The following GUCY2C variants were observed in gnomAD, a reference collection of about 807,000 sequenced individuals.
The protein encoded by GUCY2C is guanylate cyclase 2C, also known as guanylyl cyclase C.
GUCY2C carries 118 observed loss-of-function variants against 131.1 expected under a neutral mutation model. The observed-to-expected ratio is 0.90, with a 90% CI of 0.78 to 1.05. The LOEUF is 1.05. GUCY2C is among the 50% of genes least tolerant of loss of function. GUCY2C has a pLI of 0.00. For missense variants in GUCY2C, 1,161 were observed against 1,304.4 expected (o/e 0.89, Z 1.69); for synonymous variants, 452 against 457.8 (o/e 0.99, Z 0.16).
intron 19 of GUCY2C, among the ~76,000 whole-genome samples, chr12:14,630,453 GA>G (rs1947119413): frequency 6.6e-6 from 1 of 152,028 alleles, no homozygotes; most frequent in Admixed American, 6.6e-5. Flanking sequence ...AAAATGTTTG[GA>G]AAAAACAGGA....
Position 14,654,351 on chromosome 12 carries a change from C to T in GUCY2C, c.1471-1337G>A, listed in dbSNP as rs540341550. Among the ~76,000 whole-genome samples the T allele has an allele frequency of 7.2e-5, 11 of 152,250 alleles. No individual in the cohort carries two copies. In the South Asian group the frequency reaches 1.7e-3, roughly 23 times the overall value. On this transcript the variant is annotated intron_variant, in intron 12 of 26. Transcript: ENST00000261170. Reference sequence around the variant, plus strand: ...AGGTATTTTCCACCCTTGCTGACTTCGGGTGACCTTGGGTTTTCTCCATGT... The same window carrying T: ...AGGTATTTTCCACCCTTGCTGACTTTGGGTGACCTTGGGTTTTCTCCATGT...
Position 14,696,398 on chromosome 12 carries a change from G to A in GUCY2C, c.51C>T (p.Pro17=), listed in dbSNP as rs55930625. ...DLALWSLLFQ[P]GWLSFSSQVS... Reference sequence around the variant, plus strand: ...CCTGGGAACTAAAGGACAGCCACCCGGGCTGGAAGAGCAGTGACCACAAAG... The same window carrying A: ...CCTGGGAACTAAAGGACAGCCACCCAGGCTGGAAGAGCAGTGACCACAAAG... Residue 17 remains proline (P), a synonymous_variant, in exon 1 of 27, where the codon CCC becomes CCT. Coordinates refer to ENST00000261170, the MANE Select transcript of GUCY2C (RefSeq NM_004963.4). The A allele has an allele frequency of 3.2e-4, 521 of 1,614,030 alleles. 5 individuals carry two copies. The East Asian group carries it at 7.8e-3, about 24-fold the overall frequency.
At chr12:14,690,845 G>A (rs1226909132) in intron 1 of GUCY2C, among the ~76,000 whole-genome samples, 1 of 152,066 alleles carries the variant, frequency 6.6e-6, no homozygotes, top group Non-Finnish European at 1.5e-5. Context: ...CCAGCTGCAG[G>A]GATGTTCTTA....
At chr12:14,684,879 G>T (rs932276932) in intron 3 of GUCY2C, among the ~76,000 whole-genome samples, 1 of 151,816 alleles carries the variant, frequency 6.6e-6, no homozygotes, top group African/African-American at 2.4e-5. Context: ...GTCTCACTAT[G>T]TTGCCTAGGC....
chr12:14,669,565 G>T (rs1195150026), intron 10 of GUCY2C, among the ~76,000 whole-genome samples, 157 bp downstream of exon 10: 2 of 152,144 alleles, frequency 1.3e-5, no homozygotes, highest in Non-Finnish European at 2.9e-5. Context: ...GTGCAGGGAA[G>T]TAAGGACCAC....
chr12:14,687,819 A>C, intron 2 of GUCY2C, 132 bp downstream of exon 2: 2 of 628,856 alleles, frequency 3.2e-6, no homozygotes, highest in East Asian at 2.7e-5. Context: ...CCTGCCTGGT[A>C]CTCGGCCACT....
At chr12:14,636,323 A>G (rs906044868) in intron 19 of GUCY2C, among the ~76,000 whole-genome samples, 2 of 152,196 alleles carry the variant, frequency 1.3e-5, no homozygotes, top group African/African-American at 2.4e-5. Context: ...AATAAACATG[A>G]TACATTACGT....
At chr12:14,634,972 T>C (rs1947231583) in intron 19 of GUCY2C, among the ~76,000 whole-genome samples, 2 of 152,134 alleles carry the variant, frequency 1.3e-5, no homozygotes, top group South Asian at 4.1e-4. Context: ...TTAAAGCAAA[T>C]ACTATTAGAT....
At chr12:14,682,928 A>G in intron 4 of GUCY2C, 114 bp downstream of exon 4, 3 of 670,368 alleles carry the variant, frequency 4.5e-6, no homozygotes, top group East Asian at 2.7e-5. Context: ...ACTGATGTCT[A>G]TACCCAATGC....
Position 14,641,143 on chromosome 12 carries a change from G to A in GUCY2C, c.2007C>T (p.Ile669=), listed in dbSNP as rs1196151189. 9 of 1,613,672 alleles carry A rather than the reference G, an allele frequency of 5.6e-6. No homozygotes were observed. Among genetic ancestry groups the A allele is most frequent in the South Asian group, 2.2e-5 (2 of 91,058 alleles). Residue 669 remains isoleucine, a synonymous_variant, in exon 18 of 27, where the codon ATC becomes ATT. Coordinates refer to ENST00000261170, the MANE Select transcript of GUCY2C (RefSeq NM_004963.4). ...CTTTCCGCAGGATGATCTCCTGTGCGATGATCCCATAGCTGTACACATCTC... is the reference window on the plus strand; with the variant it reads ...CTTTCCGCAGGATGATCTCCTGTGCAATGATCCCATAGCTGTACACATCTC... ...QKGDVYSYGI[I]AQEIILRKET...
At chr12:14,630,576 A>G (rs1947122181) in intron 19 of GUCY2C, among the ~76,000 whole-genome samples, 1 of 152,228 alleles carries the variant, frequency 6.6e-6, no homozygotes, top group African/African-American at 2.4e-5. Context: ...AGGGATTATA[A>G]GCAATCTAGA....
Position 14,687,971 on chromosome 12 carries a change from C to T in GUCY2C, c.310G>A (p.Asp104Asn), listed in dbSNP as rs574123077. The T allele has an allele frequency of 3.9e-5, 62 of 1,609,834 alleles. 1 individual carries two copies. The highest frequency in any genetic ancestry group is 1.3e-4 in the Admixed American group (8 of 60,012). ...DCRSSTCEGL[D>N]LLRKISNAQR... ...CTTACTGAAATTTTCCTGAGTAGGT[C>T]GAGGCCTTCACAGGTGCTACTCCGG... The change falls in exon 2 of 27, where the codon GAC (aspartate) becomes AAC (asparagine). Residue 104 changes from aspartate (D) to asparagine (N), a missense_variant. Transcript: ENST00000261170.
At chr12:14,660,754 G>T (rs1362231482) in intron 11 of GUCY2C, among the ~76,000 whole-genome samples, 1 of 152,186 alleles carries the variant, frequency 6.6e-6, no homozygotes, top group Non-Finnish European at 1.5e-5. Flanking sequence ...GTAACTCAAA[G>T]AACTGGGATT....
intron 10 of GUCY2C, among the ~76,000 whole-genome samples, chr12:14,663,483 A>T (rs1947910046): frequency 6.6e-6 from 1 of 152,132 alleles, no homozygotes; most frequent in Non-Finnish European, 1.5e-5. Context: ...GGGTTTCATC[A>T]CGTTGGCCAG....
chr12:14,621,909 G>A lies in GUCY2C; in HGVS notation c.2601+96C>T, dbSNP rs933072770. ...CACCAATTCACTAAATGTGAAACTA[G>A]AGCGGTCAAGAGTAGTAACAGAAAC... On this transcript the variant is annotated intron_variant, in intron 22 of 26. Coordinates refer to ENST00000261170, the MANE Select transcript of GUCY2C (RefSeq NM_004963.4). The A allele has an allele frequency of 3.0e-5, 23 of 765,618 alleles. No homozygotes were observed. The Middle Eastern group carries it at 7.1e-4, about 24-fold the overall frequency. 47.4% of individuals were successfully genotyped at this position (765,618 alleles called of 1,614,324 possible).
At chr12:14,663,385 G>T (rs535707148) in intron 10 of GUCY2C, among the ~76,000 whole-genome samples, 2 of 152,220 alleles carry the variant, frequency 1.3e-5, no homozygotes, top group African/African-American at 2.4e-5. Context: ...CAGGTTCAAA[G>T]ATTCTCCTGC....
At chr12:14,632,998 C>A (rs1328602782) in intron 19 of GUCY2C, among the ~76,000 whole-genome samples, 1 of 152,180 alleles carries the variant, frequency 6.6e-6, no homozygotes, top group Non-Finnish European at 1.5e-5. Context: ...CTTGTCCTAT[C>A]ATGGCTACTT....
At chr12:14,615,625 A>G (rs1363279246) in intron 25 of GUCY2C, among the ~76,000 whole-genome samples, 2 of 146,498 alleles carry the variant, frequency 1.4e-5, no homozygotes, top group African/African-American at 5.2e-5. Flanking sequence ...TTTAAAAATG[A>G]GTGATTGATA....
chr12:14,627,690 G>A (rs557861045), intron 20 of GUCY2C, among the ~76,000 whole-genome samples: 2 of 152,158 alleles, frequency 1.3e-5, no homozygotes, highest in South Asian at 2.1e-4. Context: ...ATTAAAGGCT[G>A]AGTATCAAGG....
Sources: allele counts gnomAD v4.1 joint callset (sites outside exome capture counted in the v4.1 genomes callset), GRCh38; gene constraint gnomAD v4.1.1; transcripts MANE v1.5; gene names NCBI Gene and HGNC (gene_info 2026-07-23, HGNC 2026-07-21).